Variants in PHACTR4 observed in about 807,000 individuals in gnomAD.
PHACTR4 encodes protein phosphatase 1, regulatory subunit 124.
PHACTR4 carries 51 observed loss-of-function variants against 72.7 expected under a neutral mutation model. The observed-to-expected ratio is 0.70, with a 90% confidence interval of 0.56 to 0.89. PHACTR4 has a LOEUF of 0.89. Ranked by LOEUF, PHACTR4 falls within the 40% of genes least tolerant of loss-of-function variation. PHACTR4 has a pLI of 0.00. For missense variants in PHACTR4, 731 were observed against 861.8 expected, an observed-to-expected ratio of 0.85 and a Z score of 1.90; for synonymous variants, 255 against 302.5, an observed-to-expected ratio of 0.84 and a Z score of 1.63.
intron 1 of PHACTR4, among the ~76,000 whole-genome samples, chr1:28,398,839 A>G (rs1653732381): frequency 2.0e-5 from 3 of 152,012 alleles, no homozygotes; most frequent in Non-Finnish European, 2.9e-5. Flanking sequence ...AAAAAATTTA[A>G]TTAATTAAAT....
chr1:28,476,787 T>TTTTTTTTTTTTTTTG (rs1659951822), intron 8 of PHACTR4, among the ~76,000 whole-genome samples: 2 of 143,500 alleles, frequency 1.4e-5, no homozygotes, highest in African/African-American at 5.2e-5. Context: ...TTTTTTTTTT[T>TTTTTTTTTTTTTTTG]GAGACGGAGT....
chr1:28,459,402 T>C, intron 3 of PHACTR4, 144 bp downstream of exon 3: 2 of 700,806 alleles, frequency 2.9e-6, no homozygotes, highest in Admixed American at 3.2e-5. Context: ...CTTCTTTTTT[T>C]TTTTTTTTTT....
At chr1:28,447,666 G>A (rs1657582318) in intron 2 of PHACTR4, among the ~76,000 whole-genome samples, 1 of 151,928 alleles carries the variant, frequency 6.6e-6, no homozygotes, top group Non-Finnish European at 1.5e-5. Flanking sequence ...CCCTTAACCT[G>A]GAATTTTTTG....
chr1:28,433,188 T>A (rs1656391664), intron 2 of PHACTR4: 1 of 704,656 alleles, frequency 1.4e-6, no homozygotes, highest in African/African-American at 1.9e-5. Flanking sequence ...AAGAGATAGC[T>A]GTCTACTTCT....
At chr1:28,458,070 T>C (rs1361349695) in intron 2 of PHACTR4, among the ~76,000 whole-genome samples, 1 of 151,926 alleles carries the variant, frequency 6.6e-6, no homozygotes, top group Non-Finnish European at 1.5e-5. Context: ...ATGTCAGTTA[T>C]GTTTTATGTC....
intron 1 of PHACTR4, among the ~76,000 whole-genome samples, chr1:28,381,473 T>G (rs1234561879): frequency 7.3e-5 from 11 of 151,202 alleles, no homozygotes. Context: ...TAATTTTTTG[T>G]GTTTTTAGTA....
chr1:28,456,695 A>G (rs1026511713), intron 2 of PHACTR4, among the ~76,000 whole-genome samples: 4 of 152,050 alleles, frequency 2.6e-5, no homozygotes, highest in Non-Finnish European at 4.4e-5. Flanking sequence ...TTACCTAAAA[A>G]AGAAGAGAAG....
rs774518539 is a variant in PHACTR4 at position 28,489,201 on chromosome 1, C to T, written c.1792C>T (p.Leu598=). Residue 598 remains leucine, a synonymous_variant, in exon 10 of 14, where the codon CTA becomes TTA. Coordinates refer to ENST00000373839, the MANE Select transcript of PHACTR4 (RefSeq NM_001048183.3). ...GAGTCAAAGACCAACACCAGAAGAA[C>T]TAGAACAACGCAATATATTGCAACG... ...RLSQRPTPEE[L]EQRNILQPKN... is the part of the protein sequence containing the mutation. 2.0e-5 allele frequency: 33 copies of T among 1,612,854 alleles called. No individual in the cohort carries two copies. The highest frequency in any genetic ancestry group is 2.7e-5 in the Non-Finnish European group (32 of 1,179,268).
At chr1:28,455,477 A>G (rs554701513) in intron 2 of PHACTR4, among the ~76,000 whole-genome samples, 1 of 152,078 alleles carries the variant, frequency 6.6e-6, no homozygotes, top group Non-Finnish European at 1.5e-5. Context: ...GATTACAGGC[A>G]TGAGTCACCA....
At chr1:28,416,624 T>C (rs1655123194) in intron 2 of PHACTR4, among the ~76,000 whole-genome samples, 1 of 152,240 alleles carries the variant, frequency 6.6e-6, no homozygotes, top group South Asian at 2.1e-4. Context: ...TGACTACGTC[T>C]TACTCCTAGA....
chr1:28,415,104 A>G (rs1655023032), intron 2 of PHACTR4, among the ~76,000 whole-genome samples: 1 of 151,984 alleles, frequency 6.6e-6, no homozygotes, highest in Non-Finnish European at 1.5e-5. Context: ...CTACTAAAAT[A>G]CAAAAAATTA....
At chr1:28,416,157 A>G (rs759016971) in intron 2 of PHACTR4, among the ~76,000 whole-genome samples, 21 of 152,180 alleles carry the variant, frequency 1.4e-4, no homozygotes, top group African/African-American at 2.2e-4. Context: ...TGAGGTCCTC[A>G]GGGTGTAGGA....
At chr1:28,387,246 C>T (rs1322942926) in intron 1 of PHACTR4, among the ~76,000 whole-genome samples, 5 of 128,838 alleles carry the variant, frequency 3.9e-5, no homozygotes, top group East Asian at 2.2e-4. Context: ...GGCAACAGAG[C>T]GAGACCCTGT....
chr1:28,383,985 A>G (rs1652379798), intron 1 of PHACTR4, among the ~76,000 whole-genome samples: 1 of 152,124 alleles, frequency 6.6e-6, no homozygotes, highest in Non-Finnish European at 1.5e-5. Context: ...CATATGTTGA[A>G]CCAACCTTGC....
intron 2 of PHACTR4, among the ~76,000 whole-genome samples, chr1:28,413,513 C>T (rs1035547484): frequency 6.6e-6 from 1 of 152,154 alleles, no homozygotes; most frequent in African/African-American, 2.4e-5. Context: ...TGATGTTGAA[C>T]CTCCTGGAAT....
At chr1:28,468,521 A>G (rs776818400) in intron 6 of PHACTR4, among the ~76,000 whole-genome samples, 8 of 152,160 alleles carry the variant, frequency 5.3e-5, no homozygotes, top group African/African-American at 1.9e-4. Flanking sequence ...GCACGTGGGA[A>G]GCAGACGTTG....
intron 13 of PHACTR4, among the ~76,000 whole-genome samples, chr1:28,495,427 AG>A (rs1661284963): frequency 6.6e-6 from 1 of 151,992 alleles, no homozygotes; most frequent in Non-Finnish European, 1.5e-5. Context: ...TTCTAAAAGA[AG>A]AAGGCAGACA....
Position 28,498,983 on chromosome 1 carries a change from G to C in PHACTR4, c.*2434G>C, listed in dbSNP as rs1450117836. The C allele has an allele frequency of 6.7e-6, 1 of 148,732 alleles. No individual in the cohort carries two copies. Among genetic ancestry groups the C allele is most frequent in the African/African-American group, 2.5e-5 (1 of 40,118 alleles). The allele number at this position is 148,732 out of a possible 1,614,324, so 9.2% of individuals were successfully genotyped here. A position where few individuals can be genotyped will look rare whatever the true frequency, so the allele number is the denominator to read the frequency against. On this transcript the variant is annotated 3_prime_UTR_variant, in exon 14 of 14. Transcript: ENST00000373839. ...CTCAGGACGCTGAGGCAGGAGAGTCGCTTGAACCCAGGAGGCGGAGATTGC... is the reference window on the plus strand; with the variant it reads ...CTCAGGACGCTGAGGCAGGAGAGTCCCTTGAACCCAGGAGGCGGAGATTGC...
intron 2 of PHACTR4, among the ~76,000 whole-genome samples, chr1:28,439,144 GATGTTCATTAAAGGGTTGCTTAAGT>G (rs2124402380): frequency 6.6e-6 from 1 of 152,242 alleles, no homozygotes; most frequent in South Asian, 2.1e-4. Flanking sequence ...GTTTTAAGCA[GATGTTCATTAAAGGGTTGCTTAAGT>G]ATAAGCAAAA....
Sources: gnomAD v4.1 joint callset for allele counts (sites outside exome capture counted in the v4.1 genomes callset) on GRCh38, gnomAD v4.1.1 for gene constraint, MANE v1.5 for transcripts, NCBI Gene and HGNC (gene_info 2026-07-23, HGNC 2026-07-21) for gene names.